The following TTLL5 variants were observed in gnomAD, a reference collection of about 807,000 sequenced individuals.
TTLL5 encodes the protein tubulin polyglutamylase TTLL5.
In TTLL5, 132 loss-of-function variants were observed where a neutral mutation model predicts 168.4. The observed-to-expected ratio is 0.78, with a 90% confidence interval of 0.68 to 0.91. The LOEUF is 0.91. TTLL5 is among the 40% of genes least tolerant of loss of function. The probability of loss-of-function intolerance (pLI) is 0.00; values close to 1 mark genes in which losing one functional copy is unlikely to be tolerated. For synonymous variants in TTLL5, 546 were observed against 558.6 expected, an observed-to-expected ratio of 0.98 and a Z score of 0.32; for missense variants, 1,545 against 1,581.5, an observed-to-expected ratio of 0.98 and a Z score of 0.39.
At chr14:75,770,179 G>GGAA (rs370449905) in intron 20 of TTLL5, among the ~76,000 whole-genome samples, 7 of 85,030 alleles carry the variant, frequency 8.2e-5, no homozygotes, top group Non-Finnish European at 8.4e-5. Flanking sequence ...ACTCTGTCTC[G>GGAA]AAAAAAAAAA....
At chr14:75,716,595 T>C (rs191703809) in intron 9 of TTLL5, among the ~76,000 whole-genome samples, 3 of 152,274 alleles carry the variant, frequency 2.0e-5, no homozygotes. Flanking sequence ...AATAAACTTG[T>C]GGCCTTCTTT....
At chr14:75,857,502 AT>A (rs1004737547) in intron 28 of TTLL5, among the ~76,000 whole-genome samples, 4 of 151,066 alleles carry the variant, frequency 2.6e-5, no homozygotes, top group African/African-American at 4.9e-5. Context: ...AAAGAAAGTA[AT>A]TTTTTTTTGT....
intron 31 of TTLL5, among the ~76,000 whole-genome samples, chr14:75,938,026 T>G (rs1460075466): frequency 6.6e-6 from 1 of 152,232 alleles, no homozygotes; most frequent in Non-Finnish European, 1.5e-5. Flanking sequence ...CTTGTTATTT[T>G]ATGGTTATTT....
At chr14:75,749,428 A>G (rs1435963199) in intron 17 of TTLL5, among the ~76,000 whole-genome samples, 1 of 152,162 alleles carries the variant, frequency 6.6e-6, no homozygotes, top group Non-Finnish European at 1.5e-5. Flanking sequence ...TTACTGATAA[A>G]GTCTAGGTTG....
At chr14:75,898,658 AAAT>A (rs2032783393) in intron 30 of TTLL5, among the ~76,000 whole-genome samples, 1 of 152,186 alleles carries the variant, frequency 6.6e-6, no homozygotes, top group Non-Finnish European at 1.5e-5. Flanking sequence ...GTAAAAATAA[AAAT>A]ACATAGTTTA....
chr14:75,784,643 T>C (rs1029774093), intron 26 of TTLL5, among the ~76,000 whole-genome samples: 1 of 152,236 alleles, frequency 6.6e-6, no homozygotes, highest in African/African-American at 2.4e-5. Flanking sequence ...CTTTTTGTAT[T>C]TCCTCTTTTT....
intron 31 of TTLL5, among the ~76,000 whole-genome samples, chr14:75,918,751 CTATG>C (rs915085173): frequency 2.6e-5 from 4 of 152,196 alleles, no homozygotes; most frequent in African/African-American, 7.2e-5. Context: ...TGAATAATGA[CTATG>C]TATACTCTTA....
intron 28 of TTLL5, among the ~76,000 whole-genome samples, chr14:75,826,296 TACAC>T (rs57519882): frequency 0.025 from 3,474 of 139,388 alleles, 54 homozygotes; most frequent in Non-Finnish European, 0.031. Flanking sequence ...AGGATACGCG[TACAC>T]ACACACACAC....
intron 3 of TTLL5, among the ~76,000 whole-genome samples, chr14:75,673,134 TG>T (rs375262074): frequency 6.6e-6 from 1 of 151,332 alleles, no homozygotes; most frequent in Non-Finnish European, 1.5e-5. Flanking sequence ...TTTGTAGAGA[TG>T]GGGGGGTCTC....
At chr14:75,881,101 A>G (rs1180241649) in intron 29 of TTLL5, among the ~76,000 whole-genome samples, 6 of 152,138 alleles carry the variant, frequency 3.9e-5, no homozygotes, top group Admixed American at 3.9e-4. Context: ...TTTTGTAAAG[A>G]CAGAGTTTTG....
At chr14:75,881,978 C>G (rs1235242243) in intron 29 of TTLL5, among the ~76,000 whole-genome samples, 1 of 152,022 alleles carries the variant, frequency 6.6e-6, no homozygotes, top group East Asian at 1.9e-4. Flanking sequence ...ATAGGCTTAC[C>G]CTCTGAGCAA....
chr14:75,807,465 A>G (rs1236573939), intron 27 of TTLL5, among the ~76,000 whole-genome samples: 1 of 152,308 alleles, frequency 6.6e-6, no homozygotes, highest in East Asian at 1.9e-4. Flanking sequence ...CATTGATAAC[A>G]CCATACCTGC....
At chr14:75,933,374 G>C (rs1459628056) in intron 31 of TTLL5, among the ~76,000 whole-genome samples, 3 of 152,162 alleles carry the variant, frequency 2.0e-5, no homozygotes. Context: ...GAGGCAGGAG[G>C]ATTGCTTGAA....
At chr14:75,709,258 T>C (rs1886878090) in intron 9 of TTLL5, 2 of 754,380 alleles carry the variant, frequency 2.7e-6, no homozygotes, top group Non-Finnish European at 4.9e-6. Flanking sequence ...ACAGATATTA[T>C]TGTACTCTGA....
intron 18 of TTLL5, among the ~76,000 whole-genome samples, 179 bp downstream of exon 18, chr14:75,753,134 C>T (rs1890051259): frequency 6.6e-6 from 1 of 152,196 alleles, no homozygotes; most frequent in Non-Finnish European, 1.5e-5. Context: ...GAACTCTCAG[C>T]ACTTTGTAAC....
chr14:75,880,834 C>T (rs900134764), intron 29 of TTLL5, among the ~76,000 whole-genome samples: 5 of 152,194 alleles, frequency 3.3e-5, no homozygotes, highest in East Asian at 1.9e-4. Context: ...TTGGACCATC[C>T]GGAAACCTCC....
chr14:75,724,113 C>A (rs1447329959), intron 12 of TTLL5, among the ~76,000 whole-genome samples: 2 of 151,886 alleles, frequency 1.3e-5, no homozygotes, highest in Non-Finnish European at 1.5e-5. Flanking sequence ...TAGGGGAAAC[C>A]AACAGACCAG....
intron 28 of TTLL5, among the ~76,000 whole-genome samples, chr14:75,839,440 C>T (rs942745843): frequency 2.0e-5 from 3 of 152,110 alleles, no homozygotes; most frequent in African/African-American, 4.8e-5. Flanking sequence ...GAGAAGTACC[C>T]GAGACTGGGT....
chr14:75,752,695 CTATT>C (rs1890022509), intron 17 of TTLL5, among the ~76,000 whole-genome samples, 194 bp from the exon 18 acceptor site: 1 of 151,686 alleles, frequency 6.6e-6, no homozygotes, highest in African/African-American at 2.4e-5. Flanking sequence ...TCTTTTTATT[CTATT>C]TGTTTCTATT....
Sources: allele counts gnomAD v4.1 joint callset (sites outside exome capture counted in the v4.1 genomes callset), GRCh38; gene constraint gnomAD v4.1.1; transcripts MANE v1.5; gene names NCBI Gene and HGNC (gene_info 2026-07-23, HGNC 2026-07-21).